The following SNX29 variants were observed in gnomAD, a reference collection of about 807,000 sequenced individuals.
The protein encoded by SNX29 is sorting nexin-29.
Under a neutral mutation model 102.1 loss-of-function variants are expected in SNX29, and 78 were observed. The observed-to-expected ratio is 0.76, with a 90% CI of 0.64 to 0.92. The LOEUF is 0.92. Among genes scored for constraint, SNX29 ranks in the 40% least tolerant of loss-of-function variants. The probability of loss-of-function intolerance (pLI) is 0.00; values close to 1 mark genes in which losing one functional copy is unlikely to be tolerated. For missense variants in SNX29, 1,280 were observed against 1,061.7 expected (o/e 1.21, Z -2.86); for synonymous variants, 580 against 414.5 (o/e 1.40, Z -4.85).
chr16:12,564,403 A>AG (rs1222368316), intron 20 of SNX29, among the ~76,000 whole-genome samples: 3 of 151,894 alleles, frequency 2.0e-5, no homozygotes, highest in Non-Finnish European at 4.4e-5. Context: ...ATATGCATCA[A>AG]TGATGTATGA....
intron 14 of SNX29, among the ~76,000 whole-genome samples, chr16:12,260,962 G>A (rs1431002321): frequency 7.0e-6 from 1 of 143,370 alleles, no homozygotes; most frequent in Admixed American, 6.9e-5. Context: ...TGCTGAGCTC[G>A]GGTCTGTGTG....
chr16:12,225,572 C>G (rs1254293105), intron 14 of SNX29, among the ~76,000 whole-genome samples: 2 of 152,178 alleles, frequency 1.3e-5, no homozygotes, highest in African/African-American at 2.4e-5. Flanking sequence ...AACTATAAGT[C>G]CATTAGACCT....
In SNX29 at chr16:12,556,858, A is replaced by T. The variant is rs3135017; in HGVS notation, c.2319-11648A>T. Reference sequence around the variant, plus strand: ...GAAGTTTGATGGTGGAAAAAATTGAATTTTTTTTTTTTGAGATAGGGTCTC... The same window carrying T: ...GAAGTTTGATGGTGGAAAAAATTGATTTTTTTTTTTTTGAGATAGGGTCTC... On this transcript the variant is annotated intron_variant, in intron 20 of 20. Transcript: ENST00000566228. 5.4e-3 allele frequency among the ~76,000 whole-genome samples: 808 copies of T among 148,842 alleles called. 4 individuals carry two copies. The highest frequency in any genetic ancestry group is 0.012 in the Admixed American group (183 of 14,894).
chr16:12,437,692 G>A (rs2085599430), intron 18 of SNX29, among the ~76,000 whole-genome samples: 1 of 152,128 alleles, frequency 6.6e-6, no homozygotes, highest in African/African-American at 2.4e-5. Context: ...TCCCTGGGAG[G>A]GGTCAGGAGC....
At position 12,385,213 on chromosome 16, in the gene SNX29, G is replaced by A. The variant is rs528760679; in HGVS notation, c.1900-13233G>A. ...AGTTCTGTGGGGACACGGGAGAAGGGATTATCATTTCTAAAGTCTTTGCTT... is the reference window on the plus strand; with the variant it reads ...AGTTCTGTGGGGACACGGGAGAAGGAATTATCATTTCTAAAGTCTTTGCTT... On this transcript the variant is annotated intron_variant, in intron 16 of 20. Coordinates refer to ENST00000566228, the MANE Select transcript of SNX29 (RefSeq NM_032167.5). Among the ~76,000 whole-genome samples the A allele has an allele frequency of 1.1e-4, 17 of 152,272 alleles. No homozygotes were observed. The South Asian group carries it at 2.5e-3, about 22-fold the overall frequency.
intron 3 of SNX29, among the ~76,000 whole-genome samples, chr16:12,015,428 T>C (rs1398013639): frequency 6.6e-6 from 1 of 151,910 alleles, no homozygotes; most frequent in East Asian, 1.9e-4. Flanking sequence ...TTAGTAGAGA[T>C]GTAGTTTCCC....
At position 12,570,440 on chromosome 16, in the gene SNX29, C is replaced by T. The variant is rs537547128; in HGVS notation, c.*1811C>T. On this transcript the variant is annotated 3_prime_UTR_variant, in exon 21 of 21. Coordinates refer to ENST00000566228, the MANE Select transcript of SNX29 (RefSeq NM_032167.5). Reference sequence around the variant, plus strand: ...GACTGGCAACTCTAAATAGAGAGCCCTAATGGACTGAGGCAGGAAACGTCT... The same window carrying T: ...GACTGGCAACTCTAAATAGAGAGCCTTAATGGACTGAGGCAGGAAACGTCT... 2 of 243,366 alleles carry T rather than the reference C, an allele frequency of 8.2e-6. No homozygotes were observed. The highest frequency in any genetic ancestry group is 6.0e-5 in the East Asian group (1 of 16,588). 15.1% of individuals were successfully genotyped at this position (243,366 alleles called of 1,614,324 possible).
intron 11 of SNX29, among the ~76,000 whole-genome samples, chr16:12,119,738 C>G (rs1053304706): frequency 2.0e-5 from 3 of 152,228 alleles, no homozygotes; most frequent in Admixed American, 6.5e-5. Flanking sequence ...GGCCTTCAAG[C>G]AAGCTGGACC....
intron 16 of SNX29, among the ~76,000 whole-genome samples, chr16:12,388,233 C>T (rs1300572300): frequency 3.3e-5 from 5 of 152,164 alleles, no homozygotes; most frequent in Admixed American, 3.3e-4. Flanking sequence ...GGGATTCAGC[C>T]AAAGTTGGCT....
chr16:12,067,569 C>T (rs933789461), intron 9 of SNX29, among the ~76,000 whole-genome samples: 12 of 152,212 alleles, frequency 7.9e-5, no homozygotes, highest in Non-Finnish European at 1.3e-4. Flanking sequence ...CTCACTGCAA[C>T]CTCCACCTTC....
intron 20 of SNX29, among the ~76,000 whole-genome samples, chr16:12,544,132 C>T (rs187962344): frequency 5.9e-5 from 9 of 152,190 alleles, no homozygotes; most frequent in African/African-American, 2.2e-4. Context: ...GTCCATAACC[C>T]TATATTCACC....
intron 13 of SNX29, among the ~76,000 whole-genome samples, chr16:12,172,827 G>A (rs2076178547): frequency 6.6e-6 from 1 of 152,242 alleles, no homozygotes; most frequent in Non-Finnish European, 1.5e-5. Flanking sequence ...ACACAGGGCA[G>A]GGGTCAGTCA....
At position 12,442,902 on chromosome 16, in the gene SNX29, A is replaced by C. The variant is rs139150126; in HGVS notation, c.2038-34817A>C. 5.0e-5 allele frequency: 21 copies of C among 422,994 alleles called. 1 individual carries two copies. The highest frequency in any genetic ancestry group is 2.9e-4 in the African/African-American group (14 of 48,500). The allele number at this position is 422,994 out of a possible 1,614,324, so 26.2% of individuals were successfully genotyped here. ...GCCACCATACCTGGCTGTGTTCAAA[A>C]AAAACTTTTTTTTCTGGTTTGACAC... On this transcript the variant is annotated intron_variant, in intron 18 of 20. Transcript: ENST00000566228.
At chr16:12,375,612 C>G (rs1410794994) in intron 16 of SNX29, 1 of 152,266 alleles carries the variant, frequency 6.6e-6, no homozygotes, top group Admixed American at 6.5e-5. Context: ...CTCAGTTACT[C>G]TCCAGCTGTT....
chr16:12,050,373 T>C (rs1008589220), intron 7 of SNX29, among the ~76,000 whole-genome samples: 1 of 152,228 alleles, frequency 6.6e-6, no homozygotes, highest in Non-Finnish European at 1.5e-5. Context: ...GATTTCTTTT[T>C]CAGTTAACAT....
chr16:12,517,662 C>G (rs2089924479), intron 19 of SNX29, among the ~76,000 whole-genome samples: 1 of 152,162 alleles, frequency 6.6e-6, no homozygotes, highest in African/African-American at 2.4e-5. Flanking sequence ...AAGGGATGAA[C>G]CAGACAGATA....
At chr16:12,482,139 A>G (rs1196773309) in intron 19 of SNX29, among the ~76,000 whole-genome samples, 1 of 152,158 alleles carries the variant, frequency 6.6e-6, no homozygotes, top group African/African-American at 2.4e-5. Flanking sequence ...GCCCAGAAAA[A>G]TCCGCCACGT....
intron 19 of SNX29, among the ~76,000 whole-genome samples, chr16:12,511,147 A>G (rs2089600911): frequency 6.6e-6 from 1 of 152,148 alleles, no homozygotes; most frequent in Non-Finnish European, 1.5e-5. Context: ...GAACTCTGGT[A>G]TTTTGGTTCA....
At chr16:12,134,794 G>A (rs536245073) in intron 13 of SNX29, among the ~76,000 whole-genome samples, 27 of 152,316 alleles carry the variant, frequency 1.8e-4, no homozygotes, top group Middle Eastern at 6.8e-3. Context: ...TCCTCCTGGG[G>A]CAGATACTAC....
Sources: gnomAD v4.1 joint callset for allele counts (sites outside exome capture counted in the v4.1 genomes callset) on GRCh38, gnomAD v4.1.1 for gene constraint, MANE v1.5 for transcripts, NCBI Gene and HGNC (gene_info 2026-07-23, HGNC 2026-07-21) for gene names.